PSD4: variants seen among roughly 807,000 people sequenced by gnomAD.
The protein encoded by PSD4 is pleckstrin and Sec7 domain containing 4.
PSD4 carries 59 observed loss-of-function variants against 112.5 expected under a neutral mutation model. That is an observed-to-expected ratio of 0.52 (90% CI 0.43 to 0.65). PSD4 has a LOEUF of 0.65. PSD4 is among the 30% of genes least tolerant of loss of function. The pLI, the probability that PSD4 is intolerant of heterozygous loss-of-function variation, is 0.00. For missense variants in PSD4, 1,267 were observed against 1,352.6 expected (o/e 0.94, Z 0.99); for synonymous variants, 533 against 540.0 (o/e 0.99, Z 0.18).
Position 113,201,169 on chromosome 2 carries a change from C to T in PSD4, c.2925C>T (p.Tyr975=), listed in dbSNP as rs549585077. Residue 975 remains tyrosine (Y), a synonymous_variant, in exon 17 of 17, where the codon TAC becomes TAT. Coordinates refer to ENST00000245796, the MANE Select transcript of PSD4 (RefSeq NM_012455.3). ...CCTGTGTGTTGCAGAAAACCCGCTA[C>T]GAGACCTACGTGCAGCTGCTGGTGG... ...KEYLEYEKTR[Y]ETYVQLLVAR... 42 of 1,611,106 alleles carry T rather than the reference C, an allele frequency of 2.6e-5. No homozygotes were observed. The highest frequency in any genetic ancestry group is 1.7e-4 in the Middle Eastern group (1 of 6,038).
chr2:113,189,006 C>G (rs1021816313), intron 5 of PSD4, among the ~76,000 whole-genome samples: 3 of 152,176 alleles, frequency 2.0e-5, no homozygotes, highest in Non-Finnish European at 2.9e-5. Flanking sequence ...GTGCACCCAT[C>G]ACCAGAGCAG....
rs1203721548 is a variant in PSD4, at chr2:113,207,921, A to T, written c.*6506A>T. The T allele has an allele frequency of 1.3e-5, 2 of 150,788 alleles. No individual in the cohort carries two copies. Among genetic ancestry groups the T allele is most frequent in the Admixed American group, 6.6e-5 (1 of 15,118 alleles). 9.3% of individuals were successfully genotyped at this position (150,788 alleles called of 1,614,324 possible). ...TGGTTCTTTTTCTACTTTCTTGCAT[A>T]TTCTTTTTCAGGCAGGAGTGCAGTG... is the stretch of plus-strand genomic sequence containing the variant. On this transcript the variant is annotated 3_prime_UTR_variant, in exon 17 of 17. Transcript: ENST00000245796.
chr2:113,192,683 G>A (rs1421464662), intron 6 of PSD4, 94 bp downstream of exon 6: 22 of 1,315,382 alleles, frequency 1.7e-5, no homozygotes, highest in East Asian at 7.2e-5. Context: ...TCCCCTTCCC[G>A]TCCCTGCCCT....
chr2:113,188,803 C>T (rs969014558), intron 5 of PSD4, among the ~76,000 whole-genome samples: 4 of 151,880 alleles, frequency 2.6e-5, no homozygotes, highest in East Asian at 3.9e-4. Flanking sequence ...CTCCTGACCT[C>T]GTGATCTGCC....
intron 1 of PSD4, among the ~76,000 whole-genome samples, chr2:113,179,554 T>C (rs532515936): frequency 6.6e-6 from 1 of 152,298 alleles, no homozygotes; most frequent in Admixed American, 6.5e-5. Context: ...GGTTACTCCA[T>C]AGGCAGAGCA....
chr2:113,193,199 G>T, intron 7 of PSD4, 59 bp from the exon 8 acceptor site: 1 of 1,600,248 alleles, frequency 6.2e-7, no homozygotes, highest in Non-Finnish European at 8.5e-7. Context: ...GCCTGAGGCT[G>T]GGATCTGATT....
rs774579257 is a variant in PSD4 at position 113,201,454 on chromosome 2, G to C, written c.*39G>C. The C allele has an allele frequency of 2.8e-5, 45 of 1,605,178 alleles. No individual in the cohort carries two copies. Reference sequence around the variant, plus strand: ...TCAGAGACACTGTTCCCTGCTCCAGGGTAGACCTGAGATGAACCTCCCTGG... The same window carrying C: ...TCAGAGACACTGTTCCCTGCTCCAGCGTAGACCTGAGATGAACCTCCCTGG... On this transcript the variant is annotated 3_prime_UTR_variant, in exon 17 of 17. Coordinates refer to ENST00000245796, the MANE Select transcript of PSD4 (RefSeq NM_012455.3).
rs367927770 is a variant in PSD4 at position 113,192,303 on chromosome 2, C to A, written c.1629-77C>A. ...CTCCTCCGGGCCCCACCATTCAAGG[C>A]GCTGAGCTCGGGGAACTCTTGCCAC... On this transcript the variant is annotated intron_variant, in intron 5 of 16. Coordinates refer to ENST00000245796, the MANE Select transcript of PSD4 (RefSeq NM_012455.3). 1.1e-5 allele frequency: 16 copies of A among 1,429,902 alleles called. No individual in the cohort carries two copies. In the East Asian group the frequency reaches 2.3e-4, roughly 20 times the overall value. 88.6% of individuals were successfully genotyped at this position (1,429,902 alleles called of 1,614,324 possible).
chr2:113,174,950 G>A (rs1262665271), intron 1 of PSD4, among the ~76,000 whole-genome samples: 2 of 152,158 alleles, frequency 1.3e-5, no homozygotes, highest in African/African-American at 4.8e-5. Flanking sequence ...CCTTGGACCA[G>A]CTTTAAAAAG....
chr2:113,201,440 G>A lies in PSD4; in HGVS notation c.*25G>A. 1 of 1,610,880 alleles carries A rather than the reference G, an allele frequency of 6.2e-7. No homozygotes were observed. Among genetic ancestry groups the A allele is most frequent in the East Asian group, 2.2e-5 (1 of 44,872 alleles). ...AAGCCAGCACCACCTCAGAGACACT[G>A]TTCCCTGCTCCAGGGTAGACCTGAG... On this transcript the variant is annotated 3_prime_UTR_variant, in exon 17 of 17. Transcript: ENST00000245796.
At position 113,182,556 on chromosome 2, in the gene PSD4, A is replaced by G; in HGVS notation, c.100A>G (p.Arg34Gly). 4 of 1,614,208 alleles carry G rather than the reference A, an allele frequency of 2.5e-6. No individual in the cohort carries two copies. Among genetic ancestry groups the G allele is most frequent in the Middle Eastern group, 1.7e-4 (1 of 6,060 alleles). Reference protein sequence around the residue: ...SLEPHPGECPRETCSHEDPPE... With the variant: ...SLEPHPGECPGETCSHEDPPE... ...GGAGCCCCACCCAGGAGAGTGCCCA[A>G]GGGAAACGTGCAGCCATGAGGATCC... The change falls in exon 2 of 17, where the codon AGG becomes GGG. Residue 34 changes from arginine (R) to glycine (G), a missense_variant. Arg to Gly is a moderately radical substitution (Grantham distance 125). Transcript: ENST00000245796.
In PSD4 at chr2:113,201,426, A is replaced by C; in HGVS notation, c.*11A>C. ...CGCAATCAGCTGTGAAGCCAGCACCACCTCAGAGACACTGTTCCCTGCTCC... is the reference window on the plus strand; with the variant it reads ...CGCAATCAGCTGTGAAGCCAGCACCCCCTCAGAGACACTGTTCCCTGCTCC... On this transcript the variant is annotated 3_prime_UTR_variant, in exon 17 of 17. Transcript: ENST00000245796. 4 of 1,612,446 alleles carry C rather than the reference A, an allele frequency of 2.5e-6. No individual in the cohort carries two copies. Among genetic ancestry groups the C allele is most frequent in the Non-Finnish European group, 3.4e-6 (4 of 1,179,542 alleles).
rs1179204963 is a variant in PSD4 at position 113,206,424 on chromosome 2, AC to A, written c.*5011del. 1 of 152,060 alleles carries A rather than the reference AC, an allele frequency of 6.6e-6. No homozygotes were observed. The highest frequency in any genetic ancestry group is 1.5e-5 in the Non-Finnish European group (1 of 68,028). 9.4% of individuals were successfully genotyped at this position (152,060 alleles called of 1,614,324 possible). ...GCCTTCTCAGCCTTCTTCCGCCATCACCTCTCAGCGACCTTTGGCCTTGATA... is the reference window on the plus strand; with the variant it reads ...GCCTTCTCAGCCTTCTTCCGCCATCACTCTCAGCGACCTTTGGCCTTGATA... On this transcript the variant is annotated 3_prime_UTR_variant, in exon 17 of 17. Transcript: ENST00000245796.
At chr2:113,185,624 G>T (rs756982670) in intron 4 of PSD4, 184 bp downstream of exon 4, 1 of 1,548,526 alleles carries the variant, frequency 6.5e-7, no homozygotes, top group Non-Finnish European at 8.7e-7. Context: ...ACGTACAAAA[G>T]GACCAGCATT....
chr2:113,185,747 C>T lies in PSD4; in HGVS notation c.1250-130C>T. 1.9e-6 allele frequency: 3 copies of T among 1,549,758 alleles called. No homozygotes were observed. In the South Asian group the frequency reaches 3.6e-5, roughly 19 times the overall value. On this transcript the variant is annotated intron_variant, in intron 4 of 16. Coordinates refer to ENST00000245796, the MANE Select transcript of PSD4 (RefSeq NM_012455.3). ...CCTCTGCAAGTGGGAGAGGTCACTG[C>T]CCGAGGGAGGACAGGGCATGCTGCC...
rs767276710 is a variant in PSD4, at chr2:113,185,971, C to T, written c.1344C>T (p.Ser448=). ...CAGCTTCTTCTCCAGAGCCTAGCAG[C>T]CCAGAATCTGAGAGCAGAGGCCCTG... ...RSPASSPEPS[S]PESESRGPGP... The change falls in exon 5 of 17, where the codon AGC becomes AGT. Residue 448 remains serine (S), a synonymous_variant. Transcript: ENST00000245796. The T allele has an allele frequency of 1.2e-6, 2 of 1,614,122 alleles. No homozygotes were observed. Among genetic ancestry groups the T allele is most frequent in the Non-Finnish European group, 1.7e-6 (2 of 1,179,946 alleles).
At position 113,208,796 on chromosome 2, in the gene PSD4, G is replaced by C. The variant is rs1217705636; in HGVS notation, c.*7381G>C. ...CTAGGAATTGTGACTTCAGTTACTA[G>C]TATTTCCTCTGAGCCTCTAGTCATG... On this transcript the variant is annotated 3_prime_UTR_variant, in exon 17 of 17. Coordinates refer to ENST00000245796, the MANE Select transcript of PSD4 (RefSeq NM_012455.3). 6.6e-6 allele frequency: 1 copy of C among 152,210 alleles called. No individual in the cohort carries two copies. The highest frequency in any genetic ancestry group is 1.5e-5 in the Non-Finnish European group (1 of 68,042). 9.4% of individuals were successfully genotyped at this position (152,210 alleles called of 1,614,324 possible).
At chr2:113,179,375 T>G (rs1688063231) in intron 1 of PSD4, among the ~76,000 whole-genome samples, 1 of 152,038 alleles carries the variant, frequency 6.6e-6, no homozygotes, top group African/African-American at 2.4e-5. Context: ...CCTAGAATGA[T>G]GAGTGAAGGC....
chr2:113,182,118 C>A (rs978032511), intron 1 of PSD4, among the ~76,000 whole-genome samples: 1 of 152,232 alleles, frequency 6.6e-6, no homozygotes, highest in East Asian at 1.9e-4. Context: ...CTTCAGCCAA[C>A]AGATGGGTGT....
Sources: gnomAD v4.1 joint callset for allele counts (sites outside exome capture counted in the v4.1 genomes callset) on GRCh38, gnomAD v4.1.1 for gene constraint, MANE v1.5 for transcripts, NCBI Gene and HGNC (gene_info 2026-07-23, HGNC 2026-07-21) for gene names.